The following CENPH variants were observed in gnomAD, a reference collection of about 807,000 sequenced individuals.
The protein encoded by CENPH is CENP-H.
A neutral mutation model predicts 42.9 loss-of-function variants in CENPH; 40 were observed. That is an observed-to-expected ratio of 0.93 (90% confidence interval 0.72 to 1.21). The LOEUF is 1.21. Ranked by LOEUF, CENPH falls within the 50% of genes most tolerant of loss-of-function variation. CENPH has a pLI of 0.00. For missense variants in CENPH, 302 were observed against 292.9 expected (o/e 1.03, Z -0.23); for synonymous variants, 88 against 96.5 (o/e 0.91, Z 0.52).
intron 7 of CENPH, among the ~76,000 whole-genome samples, chr5:69,204,340 G>GTGCAATCTCGGCTCA (rs1748112092): frequency 6.6e-6 from 1 of 151,338 alleles, no homozygotes. Context: ...GAGTGCAGTG[G>GTGCAATCTCGGCTCA]CGTGATCATA....
chr5:69,194,582 T>G, intron 2 of CENPH, 65 bp from the exon 3 acceptor site: 3 of 924,864 alleles, frequency 3.2e-6, no homozygotes, highest in Non-Finnish European at 5.1e-6. Context: ...GTGGCTTACA[T>G]TATATTCCTT....
At chr5:69,190,029 A>C (rs888456609) in intron 1 of CENPH, among the ~76,000 whole-genome samples, 2 of 152,150 alleles carry the variant, frequency 1.3e-5, no homozygotes, top group Non-Finnish European at 2.9e-5. Context: ...TAGAAGCTGT[A>C]ATTTCTCCTC....
chr5:69,202,918 G>A lies in CENPH; in HGVS notation c.436-1G>A. ...TTTAACTTTTTTATTTTTAATAACA[G>A]GAATCTTGGGATTTAGAGGAAAAAC... On this transcript the variant is annotated splice_acceptor_variant, in intron 6 of 8. Transcript: ENST00000283006. LOFTEE classifies it high-confidence loss of function. 1.3e-6 allele frequency: 2 copies of A among 1,554,872 alleles called. No homozygotes were observed. The highest frequency in any genetic ancestry group is 1.8e-6 in the Non-Finnish European group (2 of 1,132,850).
chr5:69,209,909 C>T lies in CENPH; in HGVS notation c.*110C>T, dbSNP rs367681440. The T allele has an allele frequency of 1.4e-5, 9 of 638,950 alleles. No individual in the cohort carries two copies. The highest frequency in any genetic ancestry group is 1.0e-4 in the South Asian group (5 of 47,864). The allele number at this position is 638,950 out of a possible 1,614,324, so 39.6% of individuals were successfully genotyped here. ...TAATTTTAGAAAAGCATATCCATAA[C>T]GTTTACAGTTGTAGTACAGTTGTGG... On this transcript the variant is annotated 3_prime_UTR_variant, in exon 9 of 9. Transcript: ENST00000283006.
chr5:69,193,137 A>T (rs978901675), intron 2 of CENPH, among the ~76,000 whole-genome samples: 2 of 151,316 alleles, frequency 1.3e-5, no homozygotes, highest in African/African-American at 2.4e-5. Flanking sequence ...ATATACACAC[A>T]CACATATACG....
At chr5:69,207,806 C>T (rs1160955821) in intron 7 of CENPH, 2 of 152,496 alleles carry the variant, frequency 1.3e-5, no homozygotes, top group Non-Finnish European at 2.9e-5. Flanking sequence ...GAGACTCCAT[C>T]TCAAAAAATA....
intron 5 of CENPH, among the ~76,000 whole-genome samples, chr5:69,199,210 ACT>A (rs1343690161): frequency 6.6e-6 from 1 of 151,984 alleles, no homozygotes; most frequent in East Asian, 1.9e-4. Context: ...ACAGGGCCTC[ACT>A]CTGTTGCTCA....
In CENPH at chr5:69,210,001, TTTG is replaced by T. The variant is rs748436587; in HGVS notation, c.*214_*216del. 95 of 367,402 alleles carry T rather than the reference TTTG, an allele frequency of 2.6e-4. 2 individuals carry two copies. The highest frequency in any genetic ancestry group is 6.4e-4 in the African/African-American group (30 of 47,228). 22.8% of individuals were successfully genotyped at this position (367,402 alleles called of 1,614,324 possible). A position where few individuals can be genotyped will look rare whatever the true frequency, so the allele number is the denominator to read the frequency against. ...TATATTTCTATATTTAGTTTGTTTTTTTGTTGTTGTTGTTTTTTGAGATGGAGT... is the reference window on the plus strand; with the variant it reads ...TATATTTCTATATTTAGTTTGTTTTTTTGTTGTTGTTTTTTGAGATGGAGT... On this transcript the variant is annotated 3_prime_UTR_variant, in exon 9 of 9. Coordinates refer to ENST00000283006, the MANE Select transcript of CENPH (RefSeq NM_022909.4).
intron 2 of CENPH, among the ~76,000 whole-genome samples, chr5:69,192,839 G>GT (rs1747898311): frequency 6.6e-6 from 1 of 152,094 alleles, no homozygotes; most frequent in African/African-American, 2.4e-5. Flanking sequence ...GCTCACACCT[G>GT]TAATCCCGGC....
In CENPH at chr5:69,204,071, A is replaced by ATATAGAATATATAT. The variant is rs1418890038; in HGVS notation, c.487+1101_487+1102insTATAGAATATATAT. 5.5e-3 allele frequency among the ~76,000 whole-genome samples: 283 copies of ATATAGAATATATAT among 51,604 alleles called. 3 individuals are homozygous for ATATAGAATATATAT. Among genetic ancestry groups the ATATAGAATATATAT allele is most frequent in the Middle Eastern group, 0.011 (1 of 90 alleles). The allele number at this position is 51,604 out of a possible 152,430, so 33.9% of individuals were successfully genotyped here. A position where few individuals can be genotyped will look rare whatever the true frequency, so the allele number is the denominator to read the frequency against. ...ATATATTATATATATAAATATATATAATATATAAATATATATAATTTCTAA... is the reference window on the plus strand; with the variant it reads ...ATATATTATATATATAAATATATATATATAGAATATATATATATATAAATATATATAATTTCTAA... On this transcript the variant is annotated intron_variant, in intron 7 of 8. Transcript: ENST00000283006.
chr5:69,191,562 T>C (rs941053183), intron 1 of CENPH, among the ~76,000 whole-genome samples: 6 of 152,222 alleles, frequency 3.9e-5, no homozygotes, highest in Non-Finnish European at 8.8e-5. Flanking sequence ...TCCTGACAGA[T>C]GCTGTTTTCC....
Position 69,202,899 on chromosome 5 carries a change from T to A in CENPH, c.436-20T>A. ...CTTACATACAGTAATGTGCTTTAAC[T>A]TTTTTATTTTTAATAACAGGAATCT... On this transcript the variant is annotated intron_variant, in intron 6 of 8. Transcript: ENST00000283006. 1 of 1,489,566 alleles carries A rather than the reference T, an allele frequency of 6.7e-7. No individual in the cohort carries two copies. Among genetic ancestry groups the A allele is most frequent in the Non-Finnish European group, 9.3e-7 (1 of 1,074,820 alleles). 92.3% of individuals were successfully genotyped at this position (1,489,566 alleles called of 1,614,324 possible).
chr5:69,204,908 T>A (rs1417263241), intron 7 of CENPH, among the ~76,000 whole-genome samples: 1 of 143,958 alleles, frequency 6.9e-6, no homozygotes, highest in East Asian at 2.1e-4. Flanking sequence ...CCAGCCATTT[T>A]TTTTCTTTTT....
chr5:69,191,539 A>G (rs567290653), intron 1 of CENPH, among the ~76,000 whole-genome samples: 5 of 152,154 alleles, frequency 3.3e-5, no homozygotes, highest in South Asian at 2.1e-4. Context: ...TTAAACACCA[A>G]TTTTTTAACT....
rs201108217 is a variant in CENPH at position 69,195,808 on chromosome 5, A to G, written c.314+17A>G. 6.1e-5 allele frequency: 78 copies of G among 1,280,374 alleles called. No individual in the cohort carries two copies. The African/African-American group carries it at 1.1e-3, about 18-fold the overall frequency. The allele number at this position is 1,280,374 out of a possible 1,614,324, so 79.3% of individuals were successfully genotyped here. A position where few individuals can be genotyped will look rare whatever the true frequency, so the allele number is the denominator to read the frequency against. ...ATTAGACAGGTAATTATTACATTTT[A>G]AATATAAGCATTGTGAACTGACTGC... On this transcript the variant is annotated intron_variant, in intron 4 of 8. Transcript: ENST00000283006.
At chr5:69,193,851 A>G (rs1343496764) in intron 2 of CENPH, among the ~76,000 whole-genome samples, 1 of 151,848 alleles carries the variant, frequency 6.6e-6, no homozygotes, top group South Asian at 2.1e-4. Context: ...GGGTTTCACC[A>G]TGTTGGCCAG....
In CENPH at chr5:69,202,946, C is replaced by T; in HGVS notation, c.463C>T (p.Leu155Phe). 6.3e-7 allele frequency: 1 copy of T among 1,592,278 alleles called. No homozygotes were observed. The highest frequency in any genetic ancestry group is 8.6e-7 in the Non-Finnish European group (1 of 1,166,768). Reference sequence around the variant, plus strand: ...ATCTTGGGATTTAGAGGAAAAACTGCTTGATATTAGAAAGAAGAGATTGCG... The same window carrying T: ...ATCTTGGGATTTAGAGGAAAAACTGTTTGATATTAGAAAGAAGAGATTGCG... ...QESWDLEEKL[L>F]DIRKKRLQLK... The change falls in exon 7 of 9, where the codon CTT becomes TTT. Residue 155 changes from leucine (L) to phenylalanine (F), a missense_variant. By Grantham distance (22) the Leu-to-Phe change is conservative. Coordinates refer to ENST00000283006, the MANE Select transcript of CENPH (RefSeq NM_022909.4).
chr5:69,207,386 G>A (rs913230386), intron 7 of CENPH, among the ~76,000 whole-genome samples: 15 of 151,746 alleles, frequency 9.9e-5, no homozygotes, highest in African/African-American at 2.9e-4. Context: ...ATGGGGTTTC[G>A]CCATGTTGGC....
At chr5:69,191,495 G>A (rs1747871533) in intron 1 of CENPH, among the ~76,000 whole-genome samples, 1 of 152,164 alleles carries the variant, frequency 6.6e-6, no homozygotes. Flanking sequence ...CTGGGCAAGA[G>A]TGCAAGACTC....
Sources: allele counts gnomAD v4.1 joint callset (sites outside exome capture counted in the v4.1 genomes callset), GRCh38; gene constraint gnomAD v4.1.1; transcripts MANE v1.5; gene names NCBI Gene and HGNC (gene_info 2026-07-23, HGNC 2026-07-21).